Variants in SLC8A1 observed in about 807,000 individuals in gnomAD.
SLC8A1 encodes solute carrier family 8 member A1, also known as sodium/calcium exchanger 1.
SLC8A1 carries 18 observed loss-of-function variants against 68.3 expected under a neutral mutation model. The observed-to-expected ratio is 0.26, with a 90% CI of 0.18 to 0.39. The LOEUF (loss-of-function observed/expected upper bound fraction) is 0.39. SLC8A1 is among the 10% of genes least tolerant of loss of function. SLC8A1 has a pLI of 1.00. For missense variants in SLC8A1, 985 were observed against 1,156.7 expected (o/e 0.85, Z 2.15); for synonymous variants, 475 against 415.5 (o/e 1.14, Z -1.74).
At chr2:40,478,786 T>G (rs1326852427) in intron 1 of SLC8A1, among the ~76,000 whole-genome samples, 1 of 152,032 alleles carries the variant, frequency 6.6e-6, no homozygotes, top group Non-Finnish European at 1.5e-5. Context: ...TTTTTTTTTT[T>G]TTTAGACAGA....
At chr2:40,202,633 C>A (rs2054604751) in intron 2 of SLC8A1, among the ~76,000 whole-genome samples, 1 of 151,942 alleles carries the variant, frequency 6.6e-6, no homozygotes, top group African/African-American at 2.4e-5. Context: ...AAGGCATATG[C>A]AGAAATCACC....
chr2:40,437,045 C>T (rs1476225477), intron 1 of SLC8A1, among the ~76,000 whole-genome samples: 2 of 152,202 alleles, frequency 1.3e-5, no homozygotes, highest in East Asian at 1.9e-4. Context: ...TCTGACGATA[C>T]TACAAGGAGA....
chr2:40,346,040 T>C (rs1196633836), intron 2 of SLC8A1, among the ~76,000 whole-genome samples: 8 of 72,660 alleles, frequency 1.1e-4, no homozygotes, highest in Non-Finnish European at 1.9e-4. Flanking sequence ...CTCATCAACA[T>C]TAACAGTAAA....
chr2:40,202,308 G>A (rs2054533799), intron 2 of SLC8A1, among the ~76,000 whole-genome samples: 1 of 151,898 alleles, frequency 6.6e-6, no homozygotes, highest in Non-Finnish European at 1.5e-5. Context: ...AGATATAGCT[G>A]TTAGGACACC....
At position 40,263,882 on chromosome 2, in the gene SLC8A1, C is replaced by G. The variant is rs907445038; in HGVS notation, c.1809-86027G>C. ...ATTAAACTAAAGAGCTTGTGCACAG[C>G]AAAAGAAACTACCATCAGAGTGAAC... On this transcript the variant is annotated intron_variant, in intron 2 of 7. Coordinates refer to ENST00000406785, the Ensembl canonical transcript of SLC8A1. 3.3e-5 allele frequency among the ~76,000 whole-genome samples: 5 copies of G among 152,042 alleles called. No individual in the cohort carries two copies. The South Asian group carries it at 6.2e-4, about 19-fold the overall frequency.
chr2:40,246,295 C>T (rs7605482), intron 2 of SLC8A1, among the ~76,000 whole-genome samples: 8,277 of 152,224 alleles, frequency 0.054, 284 homozygotes, highest in African/African-American at 0.099. Context: ...ACTTGAAATA[C>T]GCAAACTGTG....
intron 2 of SLC8A1, among the ~76,000 whole-genome samples, chr2:40,203,387 C>T (rs990732047): frequency 6.6e-6 from 1 of 151,930 alleles, no homozygotes; most frequent in Admixed American, 6.6e-5. Context: ...TTCTGTTCCC[C>T]AATAACATTG....
exon 8 of SLC8A1, chr2:40,112,776 C>G (rs906058351): frequency 9.2e-5 from 14 of 152,488 alleles, no homozygotes; most frequent in African/African-American, 3.1e-4. Flanking sequence ...ACTGGGCTTT[C>G]TCAGTGATCT....
chr2:40,392,368 G>C (rs746746625), intron 2 of SLC8A1, among the ~76,000 whole-genome samples: 4 of 152,018 alleles, frequency 2.6e-5, no homozygotes, highest in Non-Finnish European at 5.9e-5. Context: ...TTACTCAACA[G>C]AGAACCAATA....
chr2:40,322,535 G>T (rs1289714159), intron 2 of SLC8A1, among the ~76,000 whole-genome samples: 1 of 150,210 alleles, frequency 6.7e-6, no homozygotes, highest in Non-Finnish European at 1.5e-5. Context: ...AATTAGATGG[G>T]CATGGTGGTG....
At chr2:40,216,012 C>CTTTTTTTTTTTTTTTTTT (rs61623694) in intron 2 of SLC8A1, among the ~76,000 whole-genome samples, 1 of 143,748 alleles carries the variant, frequency 7.0e-6, no homozygotes, top group Non-Finnish European at 1.5e-5. Flanking sequence ...CCAGTGTATG[C>CTTTTTTTTTTTTTTTTTT]TTTTTTTTTT....
chr2:40,462,546 T>C (rs1703411815), intron 1 of SLC8A1, among the ~76,000 whole-genome samples: 1 of 151,770 alleles, frequency 6.6e-6, no homozygotes, highest in Non-Finnish European at 1.5e-5. Context: ...TGGTGGTTCA[T>C]GCCTGTAATC....
intron 1 of SLC8A1, among the ~76,000 whole-genome samples, chr2:40,444,576 T>G (rs1354863592): frequency 6.6e-6 from 1 of 152,302 alleles, no homozygotes; most frequent in Admixed American, 6.5e-5. Context: ...TCATAATCTA[T>G]ACTGTGTGTG....
intron 2 of SLC8A1, among the ~76,000 whole-genome samples, chr2:40,209,421 T>TGAGAGG (rs1558762976): frequency 4.2e-4 from 64 of 151,998 alleles, no homozygotes; most frequent in African/African-American, 1.5e-3. Flanking sequence ...AAGGTGAGAG[T>TGAGAGG]TAAGAGTAGA....
chr2:40,336,369 G>A (rs1257248610), intron 2 of SLC8A1, among the ~76,000 whole-genome samples: 2 of 152,118 alleles, frequency 1.3e-5, no homozygotes, highest in Non-Finnish European at 2.9e-5. Flanking sequence ...GACAACAAAG[G>A]CCTTGCAGGG....
chr2:40,292,561 G>T (rs2069520120), intron 2 of SLC8A1, among the ~76,000 whole-genome samples: 1 of 152,188 alleles, frequency 6.6e-6, no homozygotes, highest in African/African-American at 2.4e-5. Context: ...ATCCCAGGAA[G>T]GCTCATTTCA....
rs543293456 is a variant in SLC8A1, at chr2:40,238,087, A to G, written c.1809-60232T>C. Among the ~76,000 whole-genome samples, 14 of 152,346 alleles carry G rather than the reference A, an allele frequency of 9.2e-5. 1 individual carries two copies. In the East Asian group the frequency reaches 2.7e-3, roughly 30 times the overall value. On this transcript the variant is annotated intron_variant, in intron 2 of 7. Coordinates refer to ENST00000406785, the Ensembl canonical transcript of SLC8A1. ...GTCTGTGCCCTGCCCCCAGAGGTGG[A>G]GCCTACAGAGGCAGGCAGGCCTCCT... is the stretch of plus-strand genomic sequence containing the variant.
At chr2:40,262,203 C>T (rs1283655219) in intron 2 of SLC8A1, among the ~76,000 whole-genome samples, 4 of 152,088 alleles carry the variant, frequency 2.6e-5, no homozygotes, top group Non-Finnish European at 4.4e-5. Flanking sequence ...CCTTGTGATC[C>T]GCCCACCTCA....
intron 2 of SLC8A1, among the ~76,000 whole-genome samples, chr2:40,412,259 G>T (rs1484771886): frequency 1.3e-5 from 2 of 152,064 alleles, no homozygotes; most frequent in African/African-American, 2.4e-5. Context: ...AACCTTTTTG[G>T]TGAGATGGAC....
Sources: allele counts gnomAD v4.1 joint callset (sites outside exome capture counted in the v4.1 genomes callset), GRCh38; gene constraint gnomAD v4.1.1; transcripts MANE v1.5; gene names NCBI Gene and HGNC (gene_info 2026-07-23, HGNC 2026-07-21).